Variants in TBC1D5 observed in about 807,000 individuals in gnomAD.
The protein encoded by TBC1D5 is TBC1 domain family member 5.
TBC1D5 carries 75 observed loss-of-function variants against 100.3 expected under a neutral mutation model. That is an observed-to-expected ratio of 0.75 (90% CI 0.62 to 0.91). The LOEUF is 0.91. Ranked by LOEUF, TBC1D5 falls within the 40% of genes least tolerant of loss-of-function variation. The pLI, the probability that TBC1D5 is intolerant of heterozygous loss-of-function variation, is 0.00. For missense variants in TBC1D5, 910 were observed against 942.4 expected, an observed-to-expected ratio of 0.97 and a Z score of 0.45; for synonymous variants, 323 against 325.6, an observed-to-expected ratio of 0.99 and a Z score of 0.09.
chr3:17,235,135 A>G (rs1447289939), intron 17 of TBC1D5, among the ~76,000 whole-genome samples: 1 of 152,166 alleles, frequency 6.6e-6, no homozygotes, highest in Admixed American at 6.6e-5. Flanking sequence ...ACTCATTTTA[A>G]CATTAAATAT....
intron 1 of TBC1D5, among the ~76,000 whole-genome samples, chr3:17,691,063 C>G (rs754280175): frequency 2.6e-5 from 4 of 152,194 alleles, no homozygotes; most frequent in Non-Finnish European, 4.4e-5. Flanking sequence ...GAAACCAGCT[C>G]TCATTCTAAC....
At chr3:17,357,482 C>T (rs990935683) in intron 13 of TBC1D5, among the ~76,000 whole-genome samples, 4 of 151,972 alleles carry the variant, frequency 2.6e-5, no homozygotes, top group Non-Finnish European at 4.4e-5. Context: ...AAATACCAAC[C>T]GGCAGAGGCC....
At chr3:17,585,105 T>C (rs1229655636) in intron 2 of TBC1D5, among the ~76,000 whole-genome samples, 3 of 152,240 alleles carry the variant, frequency 2.0e-5, no homozygotes, top group African/African-American at 7.2e-5. Flanking sequence ...TTAGGGATAA[T>C]TTTTATCCTC....
chr3:17,271,676 T>G (rs1462501594), intron 15 of TBC1D5, among the ~76,000 whole-genome samples: 2 of 152,210 alleles, frequency 1.3e-5, no homozygotes, highest in Non-Finnish European at 2.9e-5. Context: ...CAACCTTATC[T>G]TCTTCCAGTT....
At chr3:17,673,136 A>G (rs1476522479) in intron 1 of TBC1D5, among the ~76,000 whole-genome samples, 1 of 152,200 alleles carries the variant, frequency 6.6e-6, no homozygotes, top group African/African-American at 2.4e-5. Flanking sequence ...TTTAATGTTA[A>G]TGGACACATA....
At chr3:17,584,970 CGACAGAGATGGG>C (rs2096723840) in intron 2 of TBC1D5, among the ~76,000 whole-genome samples, 1 of 151,842 alleles carries the variant, frequency 6.6e-6, no homozygotes, top group African/African-American at 2.4e-5. Flanking sequence ...TTTATTTTTT[CGACAGAGATGGG>C]GATTTGCTAT....
intron 1 of TBC1D5, among the ~76,000 whole-genome samples, chr3:17,724,772 G>A (rs1413515065): frequency 2.6e-5 from 4 of 151,912 alleles, no homozygotes; most frequent in East Asian, 1.9e-4. Flanking sequence ...CTCATTTTAT[G>A]TAATATGTGT....
chr3:17,604,037 C>A (rs2061177108), intron 2 of TBC1D5, among the ~76,000 whole-genome samples: 1 of 152,222 alleles, frequency 6.6e-6, no homozygotes, highest in South Asian at 2.1e-4. Flanking sequence ...ACCCAAATGG[C>A]CTCCTGGACT....
intron 19 of TBC1D5, among the ~76,000 whole-genome samples, chr3:17,183,580 C>A (rs955908198): frequency 1.1e-4 from 17 of 152,148 alleles, no homozygotes; most frequent in Non-Finnish European, 2.2e-4. Flanking sequence ...ACCAGGGTTT[C>A]TCCTGCTGTT....
At chr3:17,314,084 C>T (rs2084372364) in intron 13 of TBC1D5, among the ~76,000 whole-genome samples, 1 of 152,134 alleles carries the variant, frequency 6.6e-6, no homozygotes, top group African/African-American at 2.4e-5. Flanking sequence ...AGGTTTCACA[C>T]CTATTAGTGT....
At chr3:17,554,335 G>C (rs2096497332) in intron 2 of TBC1D5, among the ~76,000 whole-genome samples, 1 of 152,172 alleles carries the variant, frequency 6.6e-6, no homozygotes, top group African/African-American at 2.4e-5. Flanking sequence ...AACTCACAGA[G>C]GAGTAATGTG....
chr3:17,386,970 T>A (rs937238132), intron 8 of TBC1D5, among the ~76,000 whole-genome samples: 1 of 152,142 alleles, frequency 6.6e-6, no homozygotes, highest in East Asian at 1.9e-4. Flanking sequence ...ACTGAAAATA[T>A]GTATTATGCA....
At chr3:17,177,909 C>T (rs1207999933) in intron 19 of TBC1D5, among the ~76,000 whole-genome samples, 1 of 152,126 alleles carries the variant, frequency 6.6e-6, no homozygotes, top group African/African-American at 2.4e-5. Context: ...TACTCTTTAT[C>T]TCCATGAGTT....
chr3:17,446,515 T>C (rs1198313881), intron 3 of TBC1D5, among the ~76,000 whole-genome samples: 2 of 152,118 alleles, frequency 1.3e-5, no homozygotes, highest in Non-Finnish European at 2.9e-5. Context: ...AATTCAATTT[T>C]GGACAAGCTG....
At chr3:17,685,318 A>T (rs2070106118) in intron 1 of TBC1D5, among the ~76,000 whole-genome samples, 1 of 152,074 alleles carries the variant, frequency 6.6e-6, no homozygotes, top group Admixed American at 6.6e-5. Context: ...GCAGCGTCTA[A>T]AAGCAATAAA....
At chr3:17,246,517 G>A (rs1221069477) in intron 16 of TBC1D5, among the ~76,000 whole-genome samples, 1 of 152,154 alleles carries the variant, frequency 6.6e-6, no homozygotes, top group African/African-American at 2.4e-5. Flanking sequence ...TTAAAATCAA[G>A]ACTTGCTATA....
At chr3:17,211,791 A>T (rs2073023043) in intron 18 of TBC1D5, among the ~76,000 whole-genome samples, 1 of 152,032 alleles carries the variant, frequency 6.6e-6, no homozygotes, top group Non-Finnish European at 1.5e-5. Flanking sequence ...TTGTCCTTGC[A>T]GTGGAATTTT....
chr3:17,690,762 C>A (rs2071032361), intron 1 of TBC1D5, among the ~76,000 whole-genome samples: 1 of 152,128 alleles, frequency 6.6e-6, no homozygotes, highest in Admixed American at 6.5e-5. Context: ...TAAGGTGGAA[C>A]AGTTTCATCC....
chr3:17,381,706 G>T (rs936408836), intron 9 of TBC1D5, among the ~76,000 whole-genome samples: 2 of 151,850 alleles, frequency 1.3e-5, no homozygotes, highest in African/African-American at 4.8e-5. Flanking sequence ...TTAGTCTTTC[G>T]ACTTTTTATC....
Sources: allele counts gnomAD v4.1 joint callset (sites outside exome capture counted in the v4.1 genomes callset), GRCh38; gene constraint gnomAD v4.1.1; transcripts MANE v1.5; gene names NCBI Gene and HGNC (gene_info 2026-07-23, HGNC 2026-07-21).